CUBN: variants seen among roughly 807,000 people sequenced by gnomAD.
CUBN encodes the protein cubilin.
A neutral mutation model predicts 405.3 loss-of-function variants in CUBN; 282 were observed. The observed-to-expected ratio is 0.70, with a 90% CI of 0.63 to 0.77. CUBN has a LOEUF of 0.77. Ranked by LOEUF, CUBN falls within the 30% of genes least tolerant of loss-of-function variation. The probability of loss-of-function intolerance (pLI) is 0.00; values close to 1 mark genes in which losing one functional copy is unlikely to be tolerated. For missense variants in CUBN, 4,514 were observed against 4,475.2 expected (o/e 1.01, Z -0.25); for synonymous variants, 1,684 against 1,617.0 (o/e 1.04, Z -0.99).
intron 16 of CUBN, among the ~76,000 whole-genome samples, chr10:17,084,799 A>G (rs1836068013): frequency 6.6e-6 from 1 of 152,258 alleles, no homozygotes; most frequent in South Asian, 2.1e-4. Flanking sequence ...AAAATAAACT[A>G]CATAACTGTA....
chr10:16,950,424 A>G (rs1442811826), intron 33 of CUBN, among the ~76,000 whole-genome samples: 2 of 152,200 alleles, frequency 1.3e-5, no homozygotes, highest in African/African-American at 4.8e-5. Flanking sequence ...TACCCCATAC[A>G]TATATACATC....
At chr10:16,928,098 A>C in intron 41 of CUBN, 59 bp downstream of exon 41, 1 of 1,561,330 alleles carries the variant, frequency 6.4e-7, no homozygotes, top group Non-Finnish European at 8.8e-7. Context: ...AGAGAGAAAG[A>C]GAGAGGAAAA....
At chr10:16,842,664 C>T (rs1839388507) in intron 60 of CUBN, among the ~76,000 whole-genome samples, 1 of 152,246 alleles carries the variant, frequency 6.6e-6, no homozygotes, top group Non-Finnish European at 1.5e-5. Flanking sequence ...ATAGTGTTCT[C>T]CACTGAACTG....
At chr10:16,847,784 C>T (rs990297367) in intron 60 of CUBN, among the ~76,000 whole-genome samples, 2 of 152,182 alleles carry the variant, frequency 1.3e-5, no homozygotes, top group African/African-American at 4.8e-5. Flanking sequence ...CACAAACGAT[C>T]ATGATAGAAT....
chr10:17,008,974 A>G (rs543074169), intron 28 of CUBN, among the ~76,000 whole-genome samples: 75 of 152,222 alleles, frequency 4.9e-4, no homozygotes, highest in African/African-American at 1.8e-3. Context: ...ACTCCAATGG[A>G]TCAAAAATGG....
In CUBN at chr10:16,909,037, C is replaced by G. The variant is rs554777864; in HGVS notation, c.7534-1358G>C. ...AGCTGGGACTACAGGTGCCCGCCACCGCGCCCGGCTAATTTTTTTTTGTAT... is the reference window on the plus strand; with the variant it reads ...AGCTGGGACTACAGGTGCCCGCCACGGCGCCCGGCTAATTTTTTTTTGTAT... On this transcript the variant is annotated intron_variant, in intron 48 of 66. Transcript: ENST00000377833. Among the ~76,000 whole-genome samples, 4 of 151,634 alleles carry G rather than the reference C, an allele frequency of 2.6e-5. No homozygotes were observed. In the East Asian group the frequency reaches 7.8e-4, roughly 29 times the overall value.
rs188241873 is a variant in CUBN, at chr10:16,836,399, G to A, written c.10033-17C>T. 4.9e-4 allele frequency: 785 copies of A among 1,611,760 alleles called. 3 individuals are homozygous for A. In the African/African-American group the frequency reaches 8.8e-3, roughly 18 times the overall value. On this transcript the variant is annotated splice_polypyrimidine_tract_variant and intron_variant, in intron 62 of 66. Coordinates refer to ENST00000377833, the MANE Select transcript of CUBN (RefSeq NM_001081.4). ...TCCGTGACCCTGAAATGAAATGGGA[G>A]CCAAATCATGTTAGATTTAGTCTTA...
chr10:16,921,912 C>G (rs1486428370), intron 43 of CUBN, among the ~76,000 whole-genome samples: 1 of 152,186 alleles, frequency 6.6e-6, no homozygotes, highest in Non-Finnish European at 1.5e-5. Flanking sequence ...TCAGAGATTT[C>G]AAACTGAACT....
intron 31 of CUBN, among the ~76,000 whole-genome samples, chr10:16,971,282 G>C (rs1335902592): frequency 2.6e-5 from 4 of 152,188 alleles, no homozygotes; most frequent in South Asian, 2.1e-4. Flanking sequence ...GTTGGACTTT[G>C]GGGTACGTTT....
chr10:16,926,844 T>C (rs1842205714), intron 41 of CUBN, among the ~76,000 whole-genome samples: 1 of 14,426 alleles, frequency 6.9e-5, no homozygotes, highest in Non-Finnish European at 1.5e-4. Flanking sequence ...TCTATCTATC[T>C]AGTCTAATTG....
intron 8 of CUBN, among the ~76,000 whole-genome samples, chr10:17,112,658 T>C (rs1188928039): frequency 2.0e-5 from 3 of 149,450 alleles, no homozygotes; most frequent in Non-Finnish European, 4.5e-5. Flanking sequence ...TCTTTATAGG[T>C]TTTTTTTTTC....
At chr10:16,871,952 T>C (rs1335985807) in intron 58 of CUBN, among the ~76,000 whole-genome samples, 1 of 152,188 alleles carries the variant, frequency 6.6e-6, no homozygotes, top group African/African-American at 2.4e-5. Context: ...AGGCTGGGTG[T>C]GGTGGCTCAC....
chr10:16,880,317 G>C (rs780741490), intron 56 of CUBN, among the ~76,000 whole-genome samples: 6 of 152,172 alleles, frequency 3.9e-5, no homozygotes, highest in Non-Finnish European at 5.9e-5. Context: ...CAATGGCAAG[G>C]CATGGCATCA....
intron 40 of CUBN, 69 bp from the exon 41 acceptor site, chr10:16,928,372 TA>T (rs1842258756): frequency 1.3e-6 from 2 of 1,555,320 alleles, no homozygotes; most frequent in Non-Finnish European, 1.8e-6. Context: ...ATTTGCAGCT[TA>T]GCCAAAGCAG....
chr10:16,993,264 T>G (rs1833644228), intron 28 of CUBN, among the ~76,000 whole-genome samples: 4 of 152,206 alleles, frequency 2.6e-5, no homozygotes. Context: ...GAAATGAAAG[T>G]TTAGATAGCT....
rs1294699782 is a variant in CUBN at position 16,977,983 on chromosome 10, TGAA to T, written c.4695+4498_4695+4500del. Among the ~76,000 whole-genome samples the T allele has an allele frequency of 2.6e-5, 4 of 152,218 alleles. No individual in the cohort carries two copies. The East Asian group carries it at 5.8e-4, about 22-fold the overall frequency. Reference sequence around the variant, plus strand: ...TGTCTAGAATGTTAATATCTCTCTTTGAAGAAGATTTTAAATTGCTTTTGCTGG... The same window carrying T: ...TGTCTAGAATGTTAATATCTCTCTTTGAAGATTTTAAATTGCTTTTGCTGG... On this transcript the variant is annotated intron_variant, in intron 31 of 66. Transcript: ENST00000377833.
chr10:16,854,457 C>G (rs1276616), intron 59 of CUBN, among the ~76,000 whole-genome samples: 2 of 152,056 alleles, frequency 1.3e-5, no homozygotes, highest in Non-Finnish European at 2.9e-5. Flanking sequence ...ACTTGCTAAT[C>G]AAGTCTGATC....
intron 22 of CUBN, among the ~76,000 whole-genome samples, chr10:17,049,035 T>G (rs752108562): frequency 1.8e-4 from 28 of 152,238 alleles, no homozygotes; most frequent in South Asian, 2.1e-4. Flanking sequence ...CCAAAGATTA[T>G]GTTTAACTCC....
intron 56 of CUBN, among the ~76,000 whole-genome samples, chr10:16,879,005 G>C (rs1840592829): frequency 6.6e-6 from 1 of 152,152 alleles, no homozygotes; most frequent in Non-Finnish European, 1.5e-5. Flanking sequence ...TGGCTATTAT[G>C]GATAATGCTG....
Sources: allele counts gnomAD v4.1 joint callset (sites outside exome capture counted in the v4.1 genomes callset), GRCh38; gene constraint gnomAD v4.1.1; transcripts MANE v1.5; gene names NCBI Gene and HGNC (gene_info 2026-07-23, HGNC 2026-07-21).